PRTFDC1: variants seen among roughly 807,000 people sequenced by gnomAD.
PRTFDC1 encodes phosphoribosyltransferase domain-containing protein 1.
A neutral mutation model predicts 34.6 loss-of-function variants in PRTFDC1; 38 were observed. The observed-to-expected ratio is 1.10, with a 90% CI of 0.85 to 1.44. The LOEUF (loss-of-function observed/expected upper bound fraction) is 1.44, where lower values mean the gene tolerates loss of function less well. PRTFDC1 is among the 40% of genes most tolerant of loss of function. The pLI is 0.00. For missense variants in PRTFDC1, 270 were observed against 283.0 expected (o/e 0.95, Z 0.33); for synonymous variants, 93 against 98.1 (o/e 0.95, Z 0.31).
intron 3 of PRTFDC1, among the ~76,000 whole-genome samples, chr10:24,895,368 C>T (rs1369287562): frequency 6.7e-6 from 1 of 149,398 alleles, no homozygotes; most frequent in Non-Finnish European, 1.5e-5. Flanking sequence ...TCTCCTGCCT[C>T]AGCCTCCTGA....
intron 3 of PRTFDC1, among the ~76,000 whole-genome samples, chr10:24,885,199 G>A (rs1256656392): frequency 6.6e-6 from 1 of 152,176 alleles, no homozygotes; most frequent in Non-Finnish European, 1.5e-5. Context: ...TTCTCGTCCT[G>A]GGACCCATAA....
chr10:24,942,484 G>T (rs918970479), intron 1 of PRTFDC1, 48 bp from the exon 2 acceptor site: 1 of 1,450,280 alleles, frequency 6.9e-7, no homozygotes, highest in Non-Finnish European at 9.7e-7. Context: ...TCAGAAATTT[G>T]TTTAAAACAT....
chr10:24,866,596 G>GA (rs1198618364), intron 4 of PRTFDC1, among the ~76,000 whole-genome samples: 1 of 151,450 alleles, frequency 6.6e-6, no homozygotes, highest in Non-Finnish European at 1.5e-5. Flanking sequence ...ATCAACTTTG[G>GA]AAAAAAAATC....
intron 3 of PRTFDC1, among the ~76,000 whole-genome samples, chr10:24,885,119 C>A (rs1294876988): frequency 6.6e-6 from 1 of 152,198 alleles, no homozygotes; most frequent in African/African-American, 2.4e-5. Flanking sequence ...CTGAGCTTGG[C>A]CATGAACAAA....
intron 3 of PRTFDC1, among the ~76,000 whole-genome samples, chr10:24,882,215 A>AAAAAAAAAAG (rs533339656): frequency 3.7e-4 from 55 of 147,054 alleles, no homozygotes; most frequent in Non-Finnish European, 7.1e-4. Flanking sequence ...AAAAAAAAAA[A>AAAAAAAAAAG]AAAAGAAAAG....
intron 3 of PRTFDC1, among the ~76,000 whole-genome samples, chr10:24,911,991 G>A (rs1241661096): frequency 1.3e-5 from 2 of 151,386 alleles, no homozygotes; most frequent in Non-Finnish European, 3.0e-5. Flanking sequence ...ATTGCCTGCT[G>A]GGTGCTGTGG....
intron 3 of PRTFDC1, among the ~76,000 whole-genome samples, chr10:24,925,056 C>T (rs1848848909): frequency 6.6e-6 from 1 of 152,198 alleles, no homozygotes; most frequent in Admixed American, 6.5e-5. Context: ...ATAGCAAAGA[C>T]TTGGAACCAA....
At chr10:24,908,496 C>G (rs1564309099) in intron 3 of PRTFDC1, 1 of 1,611,558 alleles carries the variant, frequency 6.2e-7, no homozygotes, top group Non-Finnish European at 8.5e-7. Context: ...CTCACTGGAT[C>G]TCAGACCTAA....
At chr10:24,888,515 T>A (rs1423819833) in intron 3 of PRTFDC1, among the ~76,000 whole-genome samples, 1 of 152,194 alleles carries the variant, frequency 6.6e-6, no homozygotes, top group Non-Finnish European at 1.5e-5. Context: ...TGGGAGTGAA[T>A]TAAGGACAAA....
chr10:24,878,851 C>A (rs961806795), intron 3 of PRTFDC1, among the ~76,000 whole-genome samples: 2 of 152,148 alleles, frequency 1.3e-5, no homozygotes, highest in African/African-American at 2.4e-5. Flanking sequence ...AGAGTCAGAG[C>A]GCAACTTGCT....
At position 24,942,146 on chromosome 10, in the gene PRTFDC1, C is replaced by T. The variant is rs147722779; in HGVS notation, c.155+184G>A. Among the ~76,000 whole-genome samples the T allele has an allele frequency of 1.1e-3, 174 of 152,298 alleles. No homozygotes were observed. In the Middle Eastern group the frequency reaches 0.024, roughly 21 times the overall value. On this transcript the variant is annotated intron_variant, in intron 2 of 8. Transcript: ENST00000320152. ...ATTACCATACCGCCTGAACAAATGT[C>T]CAGGTAAACCATTCAATTTAAGCAT...
intron 3 of PRTFDC1, among the ~76,000 whole-genome samples, chr10:24,888,184 T>C (rs1049325029): frequency 7.2e-5 from 11 of 152,216 alleles, no homozygotes; most frequent in African/African-American, 1.9e-4. Context: ...ACTTCTGCTG[T>C]TTTGAAAGCA....
chr10:24,929,869 TC>T (rs1848944690), intron 3 of PRTFDC1, among the ~76,000 whole-genome samples: 1 of 152,110 alleles, frequency 6.6e-6, no homozygotes, highest in African/African-American at 2.4e-5. Context: ...AGAATAGATA[TC>T]CCAAAAGGCC....
In PRTFDC1 at chr10:24,886,174, T is replaced by C. The variant is rs181611714; in HGVS notation, c.340-14111A>G. ...TGATGTGTTAATGTAGGTTTTATTG[T>C]AACAAATGTTCAACTCTGGCAGGGG... On this transcript the variant is annotated intron_variant, in intron 3 of 8. Transcript: ENST00000320152. Among the ~76,000 whole-genome samples, 286 of 152,346 alleles carry C rather than the reference T, an allele frequency of 1.9e-3. 2 individuals are homozygous for C. Among genetic ancestry groups the C allele is most frequent in the African/African-American group, 6.6e-3 (275 of 41,584 alleles).
At chr10:24,943,754 G>T (rs11014315) in intron 1 of PRTFDC1, among the ~76,000 whole-genome samples, 30,640 of 151,774 alleles carry the variant, frequency 0.2, 3,439 homozygotes, top group African/African-American at 0.3. Context: ...GTTTTGCCAC[G>T]TTGCCCAGGC....
At chr10:24,917,969 G>A (rs930237634) in intron 3 of PRTFDC1, among the ~76,000 whole-genome samples, 1 of 152,138 alleles carries the variant, frequency 6.6e-6, no homozygotes, top group Non-Finnish European at 1.5e-5. Context: ...CGTGTTTTTG[G>A]TACTTTTTTG....
At chr10:24,918,410 T>G (rs117918131) in intron 3 of PRTFDC1, among the ~76,000 whole-genome samples, 5 of 152,238 alleles carry the variant, frequency 3.3e-5, no homozygotes, top group Non-Finnish European at 5.9e-5. Context: ...TTAATATCTT[T>G]TTTATTTTAT....
intron 3 of PRTFDC1, among the ~76,000 whole-genome samples, chr10:24,907,708 T>A (rs1321753999): frequency 6.6e-6 from 1 of 152,234 alleles, no homozygotes; most frequent in Non-Finnish European, 1.5e-5. Flanking sequence ...GTACACTTCA[T>A]TTGAGTTCTG....
At chr10:24,880,738 C>T (rs1312134416) in intron 3 of PRTFDC1, among the ~76,000 whole-genome samples, 1 of 152,224 alleles carries the variant, frequency 6.6e-6, no homozygotes, top group Non-Finnish European at 1.5e-5. Context: ...CCCCCAGTTC[C>T]CATGCTGCAG....
Sources: allele counts gnomAD v4.1 joint callset (sites outside exome capture counted in the v4.1 genomes callset), GRCh38; gene constraint gnomAD v4.1.1; transcripts MANE v1.5; gene names NCBI Gene and HGNC (gene_info 2026-07-23, HGNC 2026-07-21).